Variants in ADGRL3 observed in about 807,000 individuals in gnomAD.
The protein encoded by ADGRL3 is calcium-independent alpha-latrotoxin receptor 3.
In ADGRL3, 62 loss-of-function variants were observed where a neutral mutation model predicts 153.5. That is an observed-to-expected ratio of 0.40 (90% confidence interval 0.33 to 0.50). The LOEUF (loss-of-function observed/expected upper bound fraction) is 0.50, where lower values mean the gene tolerates loss of function less well. Among genes scored for constraint, ADGRL3 ranks in the 20% least tolerant of loss-of-function variants. The pLI, the probability that ADGRL3 is intolerant of heterozygous loss-of-function variation, is 0.47. For missense variants in ADGRL3, 1,641 were observed against 1,859.4 expected (o/e 0.88, Z 2.16); for synonymous variants, 710 against 672.5 (o/e 1.06, Z -0.86).
Position 61,701,960 on chromosome 4 carries a change from T to TA in ADGRL3, c.583+25032dup, listed in dbSNP as rs1434890396. On this transcript the variant is annotated intron_variant, in intron 6 of 26. Transcript: ENST00000683033. ...TTAAGTCTGGCATGAGGATAAGGAATAAAAAAATGAAGAAAAGTCATGAAA... is the reference window on the plus strand; with the variant it reads ...TTAAGTCTGGCATGAGGATAAGGAATAAAAAAAATGAAGAAAAGTCATGAAA... Among the ~76,000 whole-genome samples, 3 of 152,008 alleles carry TA rather than the reference T, an allele frequency of 2.0e-5. No homozygotes were observed. The East Asian group carries it at 5.8e-4, about 29-fold the overall frequency.
intron 4 of ADGRL3, among the ~76,000 whole-genome samples, chr4:61,557,787 G>A (rs933849765): frequency 6.6e-6 from 1 of 151,284 alleles, no homozygotes; most frequent in African/African-American, 2.4e-5. Flanking sequence ...CAGGGTTTCA[G>A]TGTTTTTTTT....
intron 8 of ADGRL3, among the ~76,000 whole-genome samples, chr4:61,753,101 G>GGA (rs1175300122): frequency 1.3e-5 from 2 of 151,918 alleles, no homozygotes; most frequent in East Asian, 3.9e-4. Context: ...CCTAGGAAGA[G>GGA]GATAGTTCAG....
chr4:61,751,651 A>G (rs1347673498), intron 8 of ADGRL3, among the ~76,000 whole-genome samples: 1 of 152,234 alleles, frequency 6.6e-6, no homozygotes, highest in Non-Finnish European at 1.5e-5. Flanking sequence ...GATTAGTAAG[A>G]TTAGTTAGAA....
intron 4 of ADGRL3, among the ~76,000 whole-genome samples, chr4:61,584,324 A>T (rs533148977): frequency 6.6e-6 from 1 of 152,120 alleles, no homozygotes; most frequent in Admixed American, 6.6e-5. Context: ...TACTCCATAA[A>T]AATTGCCATA....
At chr4:61,292,945 T>C (rs1361102823) in intron 1 of ADGRL3, among the ~76,000 whole-genome samples, 1 of 152,160 alleles carries the variant, frequency 6.6e-6, no homozygotes, top group Non-Finnish European at 1.5e-5. Flanking sequence ...TAAGATCGCC[T>C]GTCCAATTTG....
chr4:61,557,643 T>A (rs1392446117), intron 4 of ADGRL3, among the ~76,000 whole-genome samples: 12 of 152,152 alleles, frequency 7.9e-5, no homozygotes, highest in Admixed American at 7.9e-4. Context: ...CACTCTTTAA[T>A]GCTAAAGTGC....
At chr4:61,971,302 C>T (rs1053867099) in intron 17 of ADGRL3, among the ~76,000 whole-genome samples, 4 of 152,018 alleles carry the variant, frequency 2.6e-5, no homozygotes, top group Non-Finnish European at 4.4e-5. Context: ...TGCTATCCCT[C>T]CCCGCTCCCA....
At chr4:61,701,618 G>A (rs952163337) in intron 6 of ADGRL3, among the ~76,000 whole-genome samples, 8 of 151,224 alleles carry the variant, frequency 5.3e-5, no homozygotes, top group African/African-American at 1.9e-4. Flanking sequence ...ATTTTTTTTA[G>A]TAGAGATGGG....
chr4:61,930,474 G>A (rs1238548472), intron 13 of ADGRL3, among the ~76,000 whole-genome samples: 2 of 152,254 alleles, frequency 1.3e-5, no homozygotes, highest in East Asian at 3.9e-4. Flanking sequence ...AAAATATGTA[G>A]CAGTTTTTCC....
At chr4:61,517,551 G>C (rs992432618) in intron 4 of ADGRL3, 33 bp downstream of exon 4, 8 of 697,776 alleles carry the variant, frequency 1.1e-5, no homozygotes, top group Non-Finnish European at 1.8e-5. Flanking sequence ...AGGGCTGGGG[G>C]TGGCTGGGCA....
rs2151794876 is a variant in ADGRL3 at position 61,730,653 on chromosome 4, C to T, written c.598+17C>T. The T allele has an allele frequency of 5.4e-6, 3 of 558,616 alleles. No homozygotes were observed. The East Asian group carries it at 1.0e-4, about 19-fold the overall frequency. 34.6% of individuals were successfully genotyped at this position (558,616 alleles called of 1,614,324 possible). ...AACAAAAAGGTAATTAAATACCTTTCATAAATTATATACTATTTATAGGCT... is the reference window on the plus strand; with the variant it reads ...AACAAAAAGGTAATTAAATACCTTTTATAAATTATATACTATTTATAGGCT... On this transcript the variant is annotated intron_variant, in intron 7 of 26. Coordinates refer to ENST00000683033, the MANE Select transcript of ADGRL3 (RefSeq NM_001387552.1).
intron 1 of ADGRL3, among the ~76,000 whole-genome samples, chr4:61,352,655 G>A (rs147020139): frequency 0.024 from 3,718 of 152,196 alleles, 61 homozygotes; most frequent in Non-Finnish European, 0.036. Flanking sequence ...AAAGTGCTGG[G>A]ATTACAGGTG....
chr4:61,623,425 G>T (rs1312700226), intron 5 of ADGRL3, among the ~76,000 whole-genome samples: 1 of 151,938 alleles, frequency 6.6e-6, no homozygotes, highest in Non-Finnish European at 1.5e-5. Flanking sequence ...GAAGTATGTA[G>T]TCACAGCCCT....
At chr4:61,415,035 T>C (rs1185187288) in intron 2 of ADGRL3, among the ~76,000 whole-genome samples, 1 of 151,882 alleles carries the variant, frequency 6.6e-6, no homozygotes, top group Admixed American at 6.6e-5. Context: ...GCCTGCTTAT[T>C]TTTAGAGGTA....
At chr4:61,969,125 CTT>C (rs996701885) in intron 17 of ADGRL3, among the ~76,000 whole-genome samples, 6 of 152,134 alleles carry the variant, frequency 3.9e-5, no homozygotes, top group South Asian at 4.1e-4. Context: ...AATTTCCTCT[CTT>C]GTTTACCCTC....
In ADGRL3 at chr4:61,265,999, A is replaced by G. The variant is rs146685008; in HGVS notation, c.-240+64234A>G. On this transcript the variant is annotated intron_variant, in intron 1 of 26. Coordinates refer to ENST00000683033, the MANE Select transcript of ADGRL3 (RefSeq NM_001387552.1). The stretch of plus-strand genomic sequence containing the variant: ...TGGAATACTAACTTTTGAATTTCGC[A>G]TATTTAAGTCTTTTTATATTTCTAG... 2.5e-3 allele frequency among the ~76,000 whole-genome samples: 375 copies of G among 152,020 alleles called. 2 individuals carry two copies. Among genetic ancestry groups the G allele is most frequent in the Admixed American group, 6.4e-3 (97 of 15,240 alleles).
chr4:61,401,874 A>G (rs1472187068), intron 2 of ADGRL3, among the ~76,000 whole-genome samples: 1 of 152,054 alleles, frequency 6.6e-6, no homozygotes, highest in Non-Finnish European at 1.5e-5. Context: ...ACATCATTTT[A>G]TAGACCATTA....
chr4:61,872,920 A>T (rs2098454181), intron 9 of ADGRL3, among the ~76,000 whole-genome samples: 1 of 152,190 alleles, frequency 6.6e-6, no homozygotes, highest in African/African-American at 2.4e-5. Flanking sequence ...CTATTTATCG[A>T]CCAATAAAGA....
chr4:61,779,747 T>C (rs1040951306), intron 8 of ADGRL3, among the ~76,000 whole-genome samples: 1 of 151,870 alleles, frequency 6.6e-6, no homozygotes, highest in Non-Finnish European at 1.5e-5. Flanking sequence ...CTGTTTTTTG[T>C]GTTTTAAATT....
Sources: gnomAD v4.1 joint callset for allele counts (sites outside exome capture counted in the v4.1 genomes callset) on GRCh38, gnomAD v4.1.1 for gene constraint, MANE v1.5 for transcripts, NCBI Gene and HGNC (gene_info 2026-07-23, HGNC 2026-07-21) for gene names.